The following SGCZ variants were observed in gnomAD, a reference collection of about 807,000 sequenced individuals.
The protein encoded by SGCZ is zeta-sarcoglycan.
Under a neutral mutation model 41.3 loss-of-function variants are expected in SGCZ, and 40 were observed. The observed-to-expected ratio is 0.97, with a 90% CI of 0.75 to 1.26. SGCZ has a LOEUF of 1.26. Ranked by LOEUF, SGCZ falls within the 50% of genes most tolerant of loss-of-function variation. The probability of loss-of-function intolerance (pLI) is 0.00; values close to 1 mark genes in which losing one functional copy is unlikely to be tolerated. For missense variants in SGCZ, 552 were observed against 369.8 expected (o/e 1.49, Z -4.04); for synonymous variants, 206 against 137.5 (o/e 1.50, Z -3.49).
At chr8:14,168,391 G>C (rs886187132) in intron 4 of SGCZ, among the ~76,000 whole-genome samples, 1 of 152,186 alleles carries the variant, frequency 6.6e-6, no homozygotes, top group Middle Eastern at 3.4e-3. Flanking sequence ...ATATTGAATT[G>C]TAGCTCCCAC....
chr8:15,131,358 C>T (rs750453163), intron 1 of SGCZ, among the ~76,000 whole-genome samples: 1 of 152,110 alleles, frequency 6.6e-6, no homozygotes. Context: ...TCTTGCCTGC[C>T]GCCATGTGAG....
chr8:14,734,876 C>A (rs11203666), intron 1 of SGCZ, among the ~76,000 whole-genome samples: 1 of 151,938 alleles, frequency 6.6e-6, no homozygotes, highest in African/African-American at 2.4e-5. Context: ...TAAACAATTA[C>A]ATAAAATATT....
At chr8:14,879,142 C>G (rs1160608032) in intron 1 of SGCZ, 1 of 152,032 alleles carries the variant, frequency 6.6e-6, no homozygotes, top group African/African-American at 2.4e-5. Context: ...CTGAGTAACA[C>G]AGTGAGACCC....
At chr8:14,929,096 A>G (rs575178813) in intron 1 of SGCZ, among the ~76,000 whole-genome samples, 2 of 152,040 alleles carry the variant, frequency 1.3e-5, no homozygotes, top group Admixed American at 1.3e-4. Flanking sequence ...GGTTCAAGTG[A>G]TTCTCCTGCC....
chr8:14,706,738 G>C (rs374851670), intron 1 of SGCZ, among the ~76,000 whole-genome samples: 3 of 152,222 alleles, frequency 2.0e-5, no homozygotes, highest in African/African-American at 7.2e-5. Flanking sequence ...CACTAAAGTA[G>C]TAAGCGTTTT....
intron 1 of SGCZ, among the ~76,000 whole-genome samples, chr8:14,833,661 A>G (rs893832831): frequency 6.6e-6 from 1 of 152,150 alleles, no homozygotes; most frequent in African/African-American, 2.4e-5. Context: ...GATGGGGACG[A>G]AGGAAGGGGT....
chr8:14,153,132 A>G (rs1450622069), intron 5 of SGCZ, among the ~76,000 whole-genome samples: 1 of 152,198 alleles, frequency 6.6e-6, no homozygotes, highest in East Asian at 1.9e-4. Context: ...GTAATATGGT[A>G]TTACAGTTTT....
intron 3 of SGCZ, among the ~76,000 whole-genome samples, chr8:14,281,250 T>A (rs992103393): frequency 1.3e-5 from 2 of 151,994 alleles, no homozygotes; most frequent in Non-Finnish European, 2.9e-5. Flanking sequence ...GTCATTTTAA[T>A]TAAATGAAAT....
chr8:14,686,528 A>T (rs1028287688), intron 1 of SGCZ, among the ~76,000 whole-genome samples: 1 of 152,126 alleles, frequency 6.6e-6, no homozygotes, highest in African/African-American at 2.4e-5. Flanking sequence ...TAAGGCATAT[A>T]GATTTAAAAG....
intron 1 of SGCZ, among the ~76,000 whole-genome samples, chr8:15,030,268 T>C (rs1265449906): frequency 6.6e-6 from 1 of 152,142 alleles, no homozygotes; most frequent in Non-Finnish European, 1.5e-5. Context: ...ATCTTATTCA[T>C]CCTTAACTAT....
intron 1 of SGCZ, among the ~76,000 whole-genome samples, chr8:15,201,007 C>A (rs1800872190): frequency 1.3e-5 from 2 of 152,092 alleles, no homozygotes; most frequent in African/African-American, 2.4e-5. Context: ...CAAAGCGTCC[C>A]CAATCAGATC....
rs1457674968 is a variant in SGCZ at position 14,088,711 on chromosome 8, A to C, written c.*1732T>G. Among the ~76,000 whole-genome samples the C allele has an allele frequency of 6.6e-6, 1 of 151,908 alleles. No individual in the cohort carries two copies. The highest frequency in any genetic ancestry group is 1.5e-5 in the Non-Finnish European group (1 of 67,898). ...AATTAGCCTTTGAACCCTTCTGCTG[A>C]GTACAGTGGAAATGAGCTTTTTCAG... On this transcript the variant is annotated 3_prime_UTR_variant, in exon 8 of 8. Transcript: ENST00000382080.
At chr8:15,171,585 A>C (rs1010848368) in intron 1 of SGCZ, among the ~76,000 whole-genome samples, 1 of 152,212 alleles carries the variant, frequency 6.6e-6, no homozygotes, top group African/African-American at 2.4e-5. Flanking sequence ...AATTCAATTA[A>C]GTTCAGATTT....
chr8:14,097,301 T>C (rs2089989309), intron 7 of SGCZ, among the ~76,000 whole-genome samples: 1 of 152,228 alleles, frequency 6.6e-6, no homozygotes, highest in Non-Finnish European at 1.5e-5. Flanking sequence ...TGTGTCTTTG[T>C]TCTCATTGGT....
At chr8:15,225,434 T>C (rs895388786) in intron 1 of SGCZ, among the ~76,000 whole-genome samples, 3 of 152,224 alleles carry the variant, frequency 2.0e-5, no homozygotes, top group African/African-American at 7.2e-5. Flanking sequence ...GGAGAGGAAC[T>C]GGCATGACTA....
At position 14,237,587 on chromosome 8, in the gene SGCZ, C is replaced by G; in HGVS notation, c.424+5G>C. 2 of 1,613,024 alleles carry G rather than the reference C, an allele frequency of 1.2e-6. No homozygotes were observed. Among genetic ancestry groups the G allele is most frequent in the Non-Finnish European group, 1.7e-6 (2 of 1,179,380 alleles). On this transcript the variant is annotated splice_donor_5th_base_variant and intron_variant, in intron 4 of 7. Transcript: ENST00000382080. ...TAGGAGCAATCTTTACCCCAAAACA[C>G]TCACCTATGGTCAGCTGTCCGGTTA...
intron 1 of SGCZ, among the ~76,000 whole-genome samples, chr8:15,039,786 A>G (rs988712929): frequency 6.6e-6 from 1 of 152,210 alleles, no homozygotes; most frequent in Non-Finnish European, 1.5e-5. Flanking sequence ...GAGAACCAGG[A>G]ATACGAATAT....
intron 1 of SGCZ, among the ~76,000 whole-genome samples, chr8:14,976,213 T>A (rs886359979): frequency 6.6e-6 from 1 of 151,624 alleles, no homozygotes; most frequent in African/African-American, 2.4e-5. Context: ...AGTAGACACA[T>A]GGTTTCACCA....
intron 2 of SGCZ, among the ~76,000 whole-genome samples, chr8:14,451,753 G>T (rs1487517281): frequency 1.3e-5 from 2 of 152,136 alleles, no homozygotes; most frequent in Non-Finnish European, 2.9e-5. Flanking sequence ...GTCCAACATT[G>T]TATATCATTT....
Sources: allele counts gnomAD v4.1 joint callset (sites outside exome capture counted in the v4.1 genomes callset), GRCh38; gene constraint gnomAD v4.1.1; transcripts MANE v1.5; gene names NCBI Gene and HGNC (gene_info 2026-07-23, HGNC 2026-07-21).